AGBL4: variants seen among roughly 807,000 people sequenced by gnomAD.
AGBL4 encodes AGBL carboxypeptidase 4.
AGBL4 carries 58 observed loss-of-function variants against 66.4 expected under a neutral mutation model. The ratio of observed to expected loss-of-function variants is 0.87; its 90% CI spans 0.71 to 1.09. AGBL4 has a LOEUF of 1.09. AGBL4 is among the 50% of genes least tolerant of loss of function. The pLI, the probability that AGBL4 is intolerant of heterozygous loss-of-function variation, is 0.00. For synonymous variants in AGBL4, 234 were observed against 222.9 expected (o/e 1.05, Z -0.44); for missense variants, 579 against 631.0 (o/e 0.92, Z 0.88).
chr1:48,853,425 T>G (rs1312006891), intron 6 of AGBL4, among the ~76,000 whole-genome samples: 2 of 152,234 alleles, frequency 1.3e-5, no homozygotes. Context: ...TTTAGGGTAA[T>G]TTGTGATGCA....
At chr1:49,343,878 T>A (rs1339794768) in intron 3 of AGBL4, among the ~76,000 whole-genome samples, 1 of 152,234 alleles carries the variant, frequency 6.6e-6, no homozygotes, top group East Asian at 1.9e-4. Flanking sequence ...TTAGTTCATG[T>A]GACTTTAGTA....
intron 9 of AGBL4, among the ~76,000 whole-genome samples, chr1:48,594,855 C>T (rs1187558086): frequency 6.6e-6 from 1 of 152,078 alleles, no homozygotes; most frequent in African/African-American, 2.4e-5. Context: ...CCATAAAACT[C>T]CTCGTACACA....
At chr1:49,931,937 C>T (rs1328974041) in intron 1 of AGBL4, among the ~76,000 whole-genome samples, 2 of 152,036 alleles carry the variant, frequency 1.3e-5, no homozygotes, top group Non-Finnish European at 2.9e-5. Flanking sequence ...ATCCAAAATC[C>T]AAATGCTGCA....
intron 4 of AGBL4, among the ~76,000 whole-genome samples, chr1:49,198,507 A>C (rs1451258176): frequency 6.6e-6 from 1 of 151,880 alleles, no homozygotes; most frequent in Non-Finnish European, 1.5e-5. Flanking sequence ...TGCCTGGCTA[A>C]GGTATGTATT....
At chr1:49,031,942 C>T (rs1182261288) in intron 5 of AGBL4, among the ~76,000 whole-genome samples, 1 of 142,166 alleles carries the variant, frequency 7.0e-6, no homozygotes, top group Non-Finnish European at 1.5e-5. Context: ...AAAGGCTCTT[C>T]AACTAGTCTG....
intron 3 of AGBL4, among the ~76,000 whole-genome samples, chr1:49,608,778 G>C (rs1181039205): frequency 6.6e-6 from 1 of 152,096 alleles, no homozygotes; most frequent in African/African-American, 2.4e-5. Context: ...TTCTTCTGTG[G>C]CTCTTCTAAC....
intron 3 of AGBL4, among the ~76,000 whole-genome samples, chr1:49,470,427 C>G (rs1352920652): frequency 6.6e-6 from 1 of 151,906 alleles, no homozygotes; most frequent in Non-Finnish European, 1.5e-5. Flanking sequence ...TCTTTGACCT[C>G]TAAACAATAA....
intron 2 of AGBL4, among the ~76,000 whole-genome samples, chr1:49,775,235 C>T (rs1054308651): frequency 6.6e-6 from 1 of 152,196 alleles, no homozygotes; most frequent in Non-Finnish European, 1.5e-5. Flanking sequence ...AATCACTTAA[C>T]TATCCCAGTG....
At chr1:48,708,522 G>A (rs1646914881) in intron 6 of AGBL4, among the ~76,000 whole-genome samples, 1 of 152,150 alleles carries the variant, frequency 6.6e-6, no homozygotes, top group Non-Finnish European at 1.5e-5. Flanking sequence ...GCCATGGTTG[G>A]GTGGGTTTCT....
At chr1:49,308,419 G>C (rs190910108) in intron 3 of AGBL4, among the ~76,000 whole-genome samples, 2 of 152,110 alleles carry the variant, frequency 1.3e-5, no homozygotes, top group Admixed American at 6.6e-5. Context: ...AGTCACCAGA[G>C]AGTTCTGGGA....
chr1:48,954,470 G>A lies in AGBL4; in HGVS notation c.595-87240C>T, dbSNP rs113975866. On this transcript the variant is annotated intron_variant, in intron 5 of 13. Coordinates refer to ENST00000371839, the MANE Select transcript of AGBL4 (RefSeq NM_032785.4). ...GCACTGTGCAGAGTCACAGAGAGCA[G>A]AAAGTGACCTGCCCAAGAGCACAGA... 4.9e-4 allele frequency among the ~76,000 whole-genome samples: 74 copies of A among 152,312 alleles called. 2 individuals are homozygous for A. The highest frequency in any genetic ancestry group is 1.7e-3 in the African/African-American group (69 of 41,584).
intron 2 of AGBL4, among the ~76,000 whole-genome samples, chr1:49,777,959 A>G (rs1008290545): frequency 6.6e-6 from 1 of 152,170 alleles, no homozygotes; most frequent in Non-Finnish European, 1.5e-5. Context: ...TTTGACTCAC[A>G]AGCTGCTCCC....
intron 3 of AGBL4, among the ~76,000 whole-genome samples, chr1:49,294,755 T>TG (rs1343372830): frequency 6.6e-6 from 1 of 152,200 alleles, no homozygotes; most frequent in Non-Finnish European, 1.5e-5. Flanking sequence ...CTCCTACGCA[T>TG]GTTCTGAGAC....
intron 2 of AGBL4, among the ~76,000 whole-genome samples, chr1:49,843,455 G>T (rs1213479775): frequency 6.6e-6 from 1 of 152,126 alleles, no homozygotes. Flanking sequence ...CCATTTATTT[G>T]CATTTTTCAG....
intron 6 of AGBL4, among the ~76,000 whole-genome samples, chr1:48,779,404 A>G (rs1476940182): frequency 6.6e-6 from 1 of 152,166 alleles, no homozygotes; most frequent in Non-Finnish European, 1.5e-5. Context: ...TCCTTCCTCA[A>G]CTTACCCTGA....
intron 5 of AGBL4, among the ~76,000 whole-genome samples, chr1:49,022,940 T>C (rs144417978): frequency 2.1e-4 from 32 of 152,310 alleles, no homozygotes; most frequent in African/African-American, 7.7e-4. Context: ...AAGAGTTTAA[T>C]GAACTTGTCC....
intron 6 of AGBL4, among the ~76,000 whole-genome samples, chr1:48,827,314 A>C (rs1040401344): frequency 6.6e-6 from 1 of 152,226 alleles, no homozygotes; most frequent in African/African-American, 2.4e-5. Flanking sequence ...AAAGAGGAGT[A>C]ATAGGGAAAG....
At chr1:49,743,795 T>C (rs2147816383) in intron 2 of AGBL4, among the ~76,000 whole-genome samples, 1 of 150,386 alleles carries the variant, frequency 6.6e-6, no homozygotes, top group African/African-American at 2.4e-5. Context: ...CAGCGAACTA[T>C]CGCAAGGACA....
intron 8 of AGBL4, among the ~76,000 whole-genome samples, chr1:48,650,763 A>G (rs888600485): frequency 3.9e-5 from 6 of 152,170 alleles, no homozygotes; most frequent in African/African-American, 1.4e-4. Context: ...TACAGGGAGG[A>G]TGTGGACCCC....
Sources: gnomAD v4.1 joint callset for allele counts (sites outside exome capture counted in the v4.1 genomes callset) on GRCh38, gnomAD v4.1.1 for gene constraint, MANE v1.5 for transcripts, NCBI Gene and HGNC (gene_info 2026-07-23, HGNC 2026-07-21) for gene names.